MAGI2: variants seen among roughly 807,000 people sequenced by gnomAD.
MAGI2 encodes membrane-associated guanylate kinase, WW and PDZ domain-containing protein 2.
MAGI2 carries 35 observed loss-of-function variants against 133.3 expected under a neutral mutation model. That is an observed-to-expected ratio of 0.26 (90% CI 0.20 to 0.35). The LOEUF is 0.35. Among genes scored for constraint, MAGI2 ranks in the 10% least tolerant of loss-of-function variants. The probability of loss-of-function intolerance (pLI) is 1.00; values close to 1 mark genes in which losing one functional copy is unlikely to be tolerated. For missense variants in MAGI2, 1,636 were observed against 1,863.4 expected (o/e 0.88, Z 2.25); for synonymous variants, 729 against 710.6 (o/e 1.03, Z -0.41).
intron 1 of MAGI2, among the ~76,000 whole-genome samples, chr7:79,288,304 G>T (rs910089815): frequency 6.6e-6 from 1 of 152,108 alleles, no homozygotes. Flanking sequence ...GATTAAATGA[G>T]ATAGTCTCTA....
At chr7:78,493,395 C>A (rs780400668) in intron 5 of MAGI2, among the ~76,000 whole-genome samples, 1 of 152,160 alleles carries the variant, frequency 6.6e-6, no homozygotes, top group Admixed American at 6.5e-5. Flanking sequence ...CTCACTATCC[C>A]GTGTCATTTC....
chr7:78,330,615 CAAAAA>C (rs4024122), intron 9 of MAGI2, among the ~76,000 whole-genome samples: 4 of 6,938 alleles, frequency 5.8e-4, no homozygotes, highest in Non-Finnish European at 1.0e-3. Flanking sequence ...GACTCCGTCT[CAAAAA>C]AAAAAAAAAA....
At chr7:79,323,829 A>G (rs1314187305) in intron 1 of MAGI2, among the ~76,000 whole-genome samples, 1 of 152,132 alleles carries the variant, frequency 6.6e-6, no homozygotes, top group Non-Finnish European at 1.5e-5. Flanking sequence ...TTTCTAATGG[A>G]GCACATGTGA....
chr7:78,024,057 A>G (rs1808676720), intron 21 of MAGI2, among the ~76,000 whole-genome samples: 1 of 152,160 alleles, frequency 6.6e-6, no homozygotes, highest in African/African-American at 2.4e-5. Context: ...GGGTCCAGGA[A>G]CCAATCCCCC....
At chr7:78,500,662 G>A (rs1794540002) in intron 5 of MAGI2, among the ~76,000 whole-genome samples, 1 of 152,186 alleles carries the variant, frequency 6.6e-6, no homozygotes, top group African/African-American at 2.4e-5. Flanking sequence ...TTCAGGATTT[G>A]CACTACAGTT....
At chr7:78,915,677 A>G (rs1798738896) in intron 2 of MAGI2, among the ~76,000 whole-genome samples, 1 of 152,016 alleles carries the variant, frequency 6.6e-6, no homozygotes, top group East Asian at 1.9e-4. Context: ...TTTGTTTTAC[A>G]GAAGAGTACA....
At chr7:78,408,996 A>C (rs971833597) in intron 6 of MAGI2, among the ~76,000 whole-genome samples, 5 of 152,106 alleles carry the variant, frequency 3.3e-5, no homozygotes, top group African/African-American at 1.2e-4. Flanking sequence ...TAGAATATCA[A>C]CAGAGAGACC....
chr7:78,765,823 C>T (rs541932381), intron 2 of MAGI2, among the ~76,000 whole-genome samples: 6 of 151,896 alleles, frequency 4.0e-5, no homozygotes, highest in African/African-American at 1.2e-4. Flanking sequence ...CCAAAACACC[C>T]GAGAAGTGTA....
chr7:78,998,349 G>C (rs1806515562), intron 2 of MAGI2, among the ~76,000 whole-genome samples: 1 of 152,124 alleles, frequency 6.6e-6, no homozygotes, highest in Non-Finnish European at 1.5e-5. Context: ...AGAAAAGTAA[G>C]CCAGCAGAAT....
At chr7:78,812,586 ATGTGTGTGTGTGTG>A (rs10542588) in intron 2 of MAGI2, among the ~76,000 whole-genome samples, 6 of 149,324 alleles carry the variant, frequency 4.0e-5, no homozygotes, top group Non-Finnish European at 7.4e-5. Flanking sequence ...ATATGTATGT[ATGTGTGTGTGTGTG>A]TGTGTGTGTG....
intron 6 of MAGI2, among the ~76,000 whole-genome samples, chr7:78,396,140 C>A (rs117214695): frequency 5.3e-5 from 8 of 152,172 alleles, no homozygotes; most frequent in African/African-American, 1.7e-4. Flanking sequence ...TTTAAAGCAA[C>A]CCTTTTAAGA....
At chr7:79,443,693 A>T (rs992450256) in intron 1 of MAGI2, among the ~76,000 whole-genome samples, 2 of 152,218 alleles carry the variant, frequency 1.3e-5, no homozygotes. Context: ...GTGATCTATT[A>T]AGTGACAATG....
intron 2 of MAGI2, among the ~76,000 whole-genome samples, chr7:78,832,855 A>G (rs1791311480): frequency 6.6e-6 from 1 of 152,160 alleles, no homozygotes; most frequent in South Asian, 2.1e-4. Context: ...GGGGGGTTTC[A>G]CATCACCAAG....
At chr7:78,392,334 G>A (rs1795969101) in intron 6 of MAGI2, among the ~76,000 whole-genome samples, 5 of 152,172 alleles carry the variant, frequency 3.3e-5, no homozygotes, top group Admixed American at 2.0e-4. Context: ...GGGCTGTTAG[G>A]GGAAATTGAT....
chr7:78,800,812 C>T (rs1217745365), intron 2 of MAGI2, among the ~76,000 whole-genome samples: 1 of 151,958 alleles, frequency 6.6e-6, no homozygotes, highest in Non-Finnish European at 1.5e-5. Flanking sequence ...TTTTTGTGAT[C>T]AATGGCAGGA....
intron 10 of MAGI2, among the ~76,000 whole-genome samples, chr7:78,229,981 C>T (rs935137445): frequency 2.6e-5 from 4 of 152,202 alleles, no homozygotes; most frequent in African/African-American, 4.8e-5. Flanking sequence ...TTCTAATAAA[C>T]GTTCAGTTAA....
At chr7:79,173,170 A>C (rs115476435) in intron 1 of MAGI2, among the ~76,000 whole-genome samples, 3,252 of 152,162 alleles carry the variant, frequency 0.021, 136 homozygotes, top group African/African-American at 0.075. Context: ...AATAGCAACA[A>C]AAAGGTATAA....
intron 1 of MAGI2, among the ~76,000 whole-genome samples, chr7:79,396,789 CTT>C (rs1339603637): frequency 1.3e-5 from 2 of 152,060 alleles, no homozygotes; most frequent in South Asian, 2.1e-4. Context: ...TTTTAAAAGA[CTT>C]ATTATTTAAT....
intron 1 of MAGI2, among the ~76,000 whole-genome samples, chr7:79,109,462 T>G (rs1818728287): frequency 6.6e-6 from 1 of 152,182 alleles, no homozygotes; most frequent in African/African-American, 2.4e-5. Context: ...AGAGTAATAA[T>G]TTAAGGTATC....
Sources: gnomAD v4.1 joint callset for allele counts (sites outside exome capture counted in the v4.1 genomes callset) on GRCh38, gnomAD v4.1.1 for gene constraint, MANE v1.5 for transcripts, NCBI Gene and HGNC (gene_info 2026-07-23, HGNC 2026-07-21) for gene names.